The following SVIL variants were observed in gnomAD, a reference collection of about 807,000 sequenced individuals.
SVIL encodes archvillin.
In SVIL, 101 loss-of-function variants were observed where a neutral mutation model predicts 240.4. The ratio of observed to expected loss-of-function variants is 0.42; its 90% confidence interval spans 0.36 to 0.50. The LOEUF (loss-of-function observed/expected upper bound fraction) is 0.50, where lower values mean the gene tolerates loss of function less well. Ranked by LOEUF, SVIL falls within the 20% of genes least tolerant of loss-of-function variation. SVIL has a pLI of 0.01. For synonymous variants in SVIL, 999 were observed against 1,100.0 expected (o/e 0.91, Z 1.82); for missense variants, 2,512 against 2,818.7 (o/e 0.89, Z 2.46).
At chr10:29,583,385 C>T (rs1240128177) in intron 1 of SVIL, among the ~76,000 whole-genome samples, 1 of 152,136 alleles carries the variant, frequency 6.6e-6, no homozygotes, top group Non-Finnish European at 1.5e-5. Context: ...GCAGCCTCGA[C>T]CTCCTAAGCT....
chr10:29,703,746 GA>G (rs1004693074), intron 1 of SVIL, among the ~76,000 whole-genome samples: 11 of 152,230 alleles, frequency 7.2e-5, no homozygotes, highest in Non-Finnish European at 1.5e-4. Context: ...AACAGTTGGG[GA>G]AAGTTAACAG....
chr10:29,660,118 A>G (rs1472309363), intron 2 of SVIL, among the ~76,000 whole-genome samples: 1 of 152,186 alleles, frequency 6.6e-6, no homozygotes, highest in African/African-American at 2.4e-5. Flanking sequence ...CAGGAGTTCA[A>G]GACTAAGCTG....
chr10:29,544,949 G>A lies in SVIL; in HGVS notation c.827+5648C>T, dbSNP rs144679653. ...CAATTCCATTCCAGTAATAGAATAAGCTGTGAGGAGGACCCAGATGTCTGT... is the reference window on the plus strand; with the variant it reads ...CAATTCCATTCCAGTAATAGAATAAACTGTGAGGAGGACCCAGATGTCTGT... On this transcript the variant is annotated intron_variant, in intron 6 of 37. Transcript: ENST00000355867. The A allele has an allele frequency of 3.8e-3, 2,017 of 531,024 alleles. 36 individuals carry two copies. Among genetic ancestry groups the A allele is most frequent in the South Asian group, 0.018 (1,316 of 71,382 alleles). The allele number at this position is 531,024 out of a possible 1,614,324, so 32.9% of individuals were successfully genotyped here. A position where few individuals can be genotyped will look rare whatever the true frequency, so the allele number is the denominator to read the frequency against.
In SVIL at chr10:29,693,940, TATAC is replaced by T. The variant is rs56135685; in HGVS notation, c.-399-7293_-399-7290del. 4.5e-4 allele frequency among the ~76,000 whole-genome samples: 69 copies of T among 151,758 alleles called. No homozygotes were observed. The East Asian group carries it at 9.9e-3, about 22-fold the overall frequency. On this transcript the variant is annotated intron_variant, in intron 1 of 35. Transcript: ENST00000375400. ...ATTGAGATAGATAGATAGATACATA[TATAC>T]ATACATACATACATACATAGATACA...
chr10:29,660,718 G>A (rs573587473), intron 2 of SVIL, among the ~76,000 whole-genome samples: 3 of 152,294 alleles, frequency 2.0e-5, no homozygotes, highest in Admixed American at 1.3e-4. Flanking sequence ...AGACGCTCAC[G>A]TCTTCCCCTG....
chr10:29,564,737 C>G (rs1409734833), intron 2 of SVIL, among the ~76,000 whole-genome samples: 5 of 152,162 alleles, frequency 3.3e-5, no homozygotes, highest in African/African-American at 1.2e-4. Flanking sequence ...TACAATGTAG[C>G]AAAGCTTACA....
intron 1 of SVIL, among the ~76,000 whole-genome samples, chr10:29,586,127 G>C (rs986914136): frequency 6.6e-6 from 1 of 152,168 alleles, no homozygotes; most frequent in Non-Finnish European, 1.5e-5. Context: ...TTGGGAAAAC[G>C]GTCCCCGTGG....
At chr10:29,710,536 A>G in intron 1 of SVIL, among the ~76,000 whole-genome samples, 1 of 152,264 alleles carries the variant, frequency 6.6e-6, no homozygotes. Context: ...ACATTTAGAC[A>G]TCTCACTGTC....
intron 2 of SVIL, among the ~76,000 whole-genome samples, chr10:29,673,323 A>T (rs1959931371): frequency 1.3e-5 from 2 of 152,224 alleles, no homozygotes; most frequent in Admixed American, 1.3e-4. Context: ...AGTAAATAAT[A>T]TCAGATATTC....
chr10:29,499,827 A>G (rs1948737022), intron 17 of SVIL, among the ~76,000 whole-genome samples: 1 of 152,228 alleles, frequency 6.6e-6, no homozygotes, highest in Non-Finnish European at 1.5e-5. Flanking sequence ...CAGGTAGACA[A>G]CCAGGAGAGC....
intron 1 of SVIL, among the ~76,000 whole-genome samples, chr10:29,708,331 AAGATTT>A (rs1180267429): frequency 6.6e-6 from 1 of 151,652 alleles, no homozygotes; most frequent in African/African-American, 2.4e-5. Context: ...CAGAAAACAA[AAGATTT>A]TGGCCACGTG....
intron 1 of SVIL, among the ~76,000 whole-genome samples, chr10:29,718,777 G>A (rs1407615068): frequency 6.6e-6 from 1 of 152,124 alleles, no homozygotes; most frequent in Non-Finnish European, 1.5e-5. Flanking sequence ...AACAGTGTCT[G>A]GTACTGATGC....
intron 3 of SVIL, among the ~76,000 whole-genome samples, chr10:29,557,863 G>A (rs1423365070): frequency 6.6e-6 from 1 of 152,140 alleles, no homozygotes; most frequent in African/African-American, 2.4e-5. Context: ...CATGGGCTCA[G>A]GAGGCTGGCT....
chr10:29,615,215 A>G (rs1280236361), intron 1 of SVIL, among the ~76,000 whole-genome samples: 1 of 152,200 alleles, frequency 6.6e-6, no homozygotes, highest in Non-Finnish European at 1.5e-5. Flanking sequence ...TCATATCACA[A>G]TCGAAGGATT....
intron 3 of SVIL, among the ~76,000 whole-genome samples, chr10:29,642,027 C>A (rs1361465241): frequency 6.6e-6 from 1 of 152,188 alleles, no homozygotes; most frequent in Non-Finnish European, 1.5e-5. Context: ...GAGACACCAG[C>A]CACCCTGGCC....
intron 1 of SVIL, among the ~76,000 whole-genome samples, chr10:29,734,462 C>G (rs1227308937): frequency 6.6e-6 from 1 of 152,222 alleles, no homozygotes; most frequent in Admixed American, 6.5e-5. Context: ...ACTCTTGGAT[C>G]TGTTAACCTC....
intron 21 of SVIL, among the ~76,000 whole-genome samples, chr10:29,492,944 C>T (rs772696162): frequency 6.6e-6 from 1 of 152,146 alleles, no homozygotes; most frequent in Non-Finnish European, 1.5e-5. Flanking sequence ...AATCCAGTGA[C>T]GCCCTCTTTA....
chr10:29,653,540 T>C (rs1037512521), intron 3 of SVIL, among the ~76,000 whole-genome samples: 1 of 152,232 alleles, frequency 6.6e-6, no homozygotes, highest in African/African-American at 2.4e-5. Context: ...ATATTGTCCT[T>C]TGCTGCACAA....
intron 17 of SVIL, among the ~76,000 whole-genome samples, chr10:29,500,001 G>A (rs1564524647): frequency 6.6e-6 from 1 of 152,172 alleles, no homozygotes; most frequent in Non-Finnish European, 1.5e-5. Flanking sequence ...AGCCATTGAT[G>A]ATGCTCATTA....
Sources: allele counts gnomAD v4.1 joint callset (sites outside exome capture counted in the v4.1 genomes callset), GRCh38; gene constraint gnomAD v4.1.1; transcripts MANE v1.5; gene names NCBI Gene and HGNC (gene_info 2026-07-23, HGNC 2026-07-21).